The following ZNF254 variants were observed in gnomAD, a reference collection of about 807,000 sequenced individuals.
ZNF254 encodes CTD-2017D11.1.
Under a neutral mutation model 12.4 loss-of-function variants are expected in ZNF254, and 10 were observed. The observed-to-expected ratio is 0.80, with a 90% CI of 0.50 to 1.36. ZNF254 has a LOEUF of 1.36. Among genes scored for constraint, ZNF254 ranks in the 40% most tolerant of loss-of-function variants. ZNF254 has a pLI of 0.00. For synonymous variants in ZNF254, 305 were observed against 253.4 expected (o/e 1.20, Z -1.93); for missense variants, 996 against 763.9 (o/e 1.30, Z -3.58).
chr19:24,094,827 C>T (rs1972581553), intron 1 of ZNF254, among the ~76,000 whole-genome samples: 1 of 152,156 alleles, frequency 6.6e-6, no homozygotes, highest in South Asian at 2.1e-4. Flanking sequence ...GCTGGGATTA[C>T]AGGCACCTGC....
chr19:24,079,965 G>A (rs1051074990), intron 2 of ZNF254: 2 of 152,284 alleles, frequency 1.3e-5, no homozygotes, highest in East Asian at 3.9e-4. Flanking sequence ...ATAGTGTTTA[G>A]TTGAGGCAAT....
intron 2 of ZNF254, among the ~76,000 whole-genome samples, chr19:24,049,214 A>ATATATATATATTTTTTTTTT (rs1160333151): frequency 2.4e-5 from 1 of 40,892 alleles, no homozygotes; most frequent in African/African-American, 1.4e-4. Context: ...ATATATATAT[A>ATATATATATATTTTTTTTTT]TTTTTTTTTT....
chr19:24,095,378 T>A (rs777935656), intron 1 of ZNF254, among the ~76,000 whole-genome samples: 10 of 152,208 alleles, frequency 6.6e-5, no homozygotes, highest in Admixed American at 2.0e-4. Context: ...GGTTTTGGTA[T>A]CAGAATAGTG....
At chr19:24,060,273 G>A (rs1006473441) in intron 2 of ZNF254, among the ~76,000 whole-genome samples, 1 of 152,162 alleles carries the variant, frequency 6.6e-6, no homozygotes, top group Non-Finnish European at 1.5e-5. Flanking sequence ...GTTCACTAGG[G>A]GATAATGATA....
intron 2 of ZNF254, among the ~76,000 whole-genome samples, chr19:24,070,516 TA>T (rs1223671472): frequency 1.3e-5 from 2 of 152,206 alleles, no homozygotes; most frequent in East Asian, 3.9e-4. Context: ...GCTATGATTT[TA>T]CTGAGAAGAC....
intron 1 of ZNF254, among the ~76,000 whole-genome samples, chr19:24,039,640 T>C (rs1207280070): frequency 5.3e-5 from 8 of 152,262 alleles, no homozygotes; most frequent in Non-Finnish European, 1.5e-5. Context: ...GTAAACAAAT[T>C]GCTTTTATTA....
chr19:24,115,127 G>A (rs1476513503), intron 3 of ZNF254, among the ~76,000 whole-genome samples: 1 of 152,120 alleles, frequency 6.6e-6, no homozygotes, highest in Non-Finnish European at 1.5e-5. Flanking sequence ...CGATTCCTCA[G>A]GGATCTAGAA....
At chr19:24,073,817 C>T (rs906156960) in intron 2 of ZNF254, among the ~76,000 whole-genome samples, 1 of 152,322 alleles carries the variant, frequency 6.6e-6, no homozygotes, top group South Asian at 2.1e-4. Context: ...ACTCAACATA[C>T]AAAAAGTGTT....
At chr19:24,118,047 T>G (rs947396721) in intron 3 of ZNF254, among the ~76,000 whole-genome samples, 1 of 151,724 alleles carries the variant, frequency 6.6e-6, no homozygotes, top group African/African-American at 2.4e-5. Flanking sequence ...GGGTTTCTTT[T>G]TTTTCTTTTC....
chr19:24,106,339 C>A (rs1973339000), intron 2 of ZNF254: 1 of 527,354 alleles, frequency 1.9e-6, no homozygotes, highest in Non-Finnish European at 2.9e-6. Flanking sequence ...TTTGGCATCA[C>A]CAATTTTTGA....
intron 2 of ZNF254, among the ~76,000 whole-genome samples, chr19:24,077,876 T>C (rs897455678): frequency 5.9e-5 from 9 of 152,166 alleles, no homozygotes; most frequent in Non-Finnish European, 1.0e-4. Context: ...ATTGCCAAGT[T>C]TCTTGTTTGA....
chr19:24,113,313 C>CA (rs1468696270), intron 3 of ZNF254, among the ~76,000 whole-genome samples: 1 of 152,108 alleles, frequency 6.6e-6, no homozygotes, highest in African/African-American at 2.4e-5. Context: ...TCCAGCAGCA[C>CA]ATCAAAAAGC....
intron 2 of ZNF254, among the ~76,000 whole-genome samples, chr19:24,065,247 A>G (rs937906381): frequency 9.2e-5 from 14 of 152,138 alleles, no homozygotes; most frequent in East Asian, 1.9e-4. Flanking sequence ...TGTTTTGTCT[A>G]TCTTTTCTGG....
chr19:24,036,119 T>C (rs2145159722), intron 1 of ZNF254, among the ~76,000 whole-genome samples: 1 of 152,334 alleles, frequency 6.6e-6, no homozygotes, highest in Non-Finnish European at 1.5e-5. Context: ...TGGAGTGCAG[T>C]GGCGCGATCT....
chr19:24,115,836 G>A (rs1456523554), intron 3 of ZNF254, among the ~76,000 whole-genome samples: 1 of 152,226 alleles, frequency 6.6e-6, no homozygotes, highest in East Asian at 1.9e-4. Flanking sequence ...GCTGGTACCG[G>A]TTGTTCCTTT....
At chr19:24,045,262 T>C (rs1056193212) in intron 1 of ZNF254, among the ~76,000 whole-genome samples, 14 of 152,192 alleles carry the variant, frequency 9.2e-5, no homozygotes. Flanking sequence ...CCTGGAACTG[T>C]TCATTTTTTC....
At position 24,105,963 on chromosome 19, in the gene ZNF254, G is replaced by A; in HGVS notation, c.54G>A (p.Val18=). Reference sequence around the variant, plus strand: ...AGGGACTGTTGACATTTAGGGATGTGGCCATAGAATTCTCTCTGGAGGAGT... The same window carrying A: ...AGGGACTGTTGACATTTAGGGATGTAGCCATAGAATTCTCTCTGGAGGAGT... ...LEMGLLTFRD[V]AIEFSLEEWQ... The change falls in exon 2 of 4, where the codon GTG becomes GTA. Residue 18 remains valine, a synonymous_variant. Coordinates refer to ENST00000357002, the MANE Select transcript of ZNF254 (RefSeq NM_203282.4). 1 of 1,597,490 alleles carries A rather than the reference G, an allele frequency of 6.3e-7. No homozygotes were observed. The highest frequency in any genetic ancestry group is 8.5e-7 in the Non-Finnish European group (1 of 1,169,972).
chr19:24,059,854 C>T (rs17206087), intron 2 of ZNF254, among the ~76,000 whole-genome samples: 23,490 of 152,044 alleles, frequency 0.15, 2,023 homozygotes, highest in Middle Eastern at 0.23. Context: ...GAATATTGGA[C>T]GTATCTCTGG....
At chr19:24,105,426 G>A (rs1973279478) in intron 1 of ZNF254, 1 of 262,594 alleles carries the variant, frequency 3.8e-6, no homozygotes, top group Non-Finnish European at 7.2e-6. Context: ...TAGTCTTTTG[G>A]GGCCAAAACA....
Sources: allele counts gnomAD v4.1 joint callset (sites outside exome capture counted in the v4.1 genomes callset), GRCh38; gene constraint gnomAD v4.1.1; transcripts MANE v1.5; gene names NCBI Gene and HGNC (gene_info 2026-07-23, HGNC 2026-07-21).